The following ADCY5 variants were observed in gnomAD, a reference collection of about 807,000 sequenced individuals.
ADCY5 encodes the protein adenylate cyclase type 5.
In ADCY5, 30 loss-of-function variants were observed where a neutral mutation model predicts 119.7. That is an observed-to-expected ratio of 0.25 (90% confidence interval 0.19 to 0.34). The LOEUF is 0.34. Among genes scored for constraint, ADCY5 ranks in the 10% least tolerant of loss-of-function variants. ADCY5 has a pLI of 1.00. For synonymous variants in ADCY5, 753 were observed against 762.2 expected, an observed-to-expected ratio of 0.99 and a Z score of 0.20; for missense variants, 1,324 against 1,775.2, an observed-to-expected ratio of 0.75 and a Z score of 4.57.
At chr3:123,441,583 C>A (rs1354440128) in intron 1 of ADCY5, among the ~76,000 whole-genome samples, 1 of 152,204 alleles carries the variant, frequency 6.6e-6, no homozygotes, top group Non-Finnish European at 1.5e-5. Flanking sequence ...ATAATTTAGT[C>A]CCTCTTCTAA....
intron 1 of ADCY5, among the ~76,000 whole-genome samples, chr3:123,408,627 G>A (rs1944965990): frequency 6.7e-6 from 1 of 148,868 alleles, no homozygotes; most frequent in Non-Finnish European, 1.5e-5. Flanking sequence ...CTGCACTCCA[G>A]CCTGGGCGAC....
intron 19 of ADCY5, among the ~76,000 whole-genome samples, chr3:123,288,524 C>T (rs533073239): frequency 2.4e-4 from 37 of 152,136 alleles, no homozygotes; most frequent in Admixed American, 8.5e-4. Flanking sequence ...TCCATCAGAC[C>T]GTACACCCTC....
intron 12 of ADCY5, among the ~76,000 whole-genome samples, chr3:123,306,689 C>T (rs926272132): frequency 1.3e-5 from 2 of 152,146 alleles, no homozygotes; most frequent in African/African-American, 4.8e-5. Flanking sequence ...AGGGTAGCTC[C>T]TCAAAAAATC....
chr3:123,369,780 A>G (rs1241887257), intron 1 of ADCY5, among the ~76,000 whole-genome samples: 2 of 152,124 alleles, frequency 1.3e-5, no homozygotes, highest in Non-Finnish European at 2.9e-5. Flanking sequence ...GTTTCTTTCT[A>G]TGTAAAATGG....
At chr3:123,314,827 CTT>C (rs1170023589) in intron 11 of ADCY5, among the ~76,000 whole-genome samples, 1 of 150,810 alleles carries the variant, frequency 6.6e-6, no homozygotes, top group Admixed American at 6.6e-5. Flanking sequence ...GCCAGCCACT[CTT>C]TGAGAAACAA....
intron 8 of ADCY5, among the ~76,000 whole-genome samples, chr3:123,325,040 T>C (rs571542633): frequency 6.6e-6 from 1 of 152,320 alleles, no homozygotes; most frequent in South Asian, 2.1e-4. Context: ...CATGCCTGCT[T>C]CCAGGCTGTG....
At position 123,284,707 on chromosome 3, in the gene ADCY5, A is replaced by G. The variant is rs1050570339; in HGVS notation, c.3687T>C (p.Ala1229=). 8.7e-6 allele frequency: 14 copies of G among 1,614,118 alleles called. No individual in the cohort carries two copies. Among genetic ancestry groups the G allele is most frequent in the Non-Finnish European group, 1.2e-5 (14 of 1,180,038 alleles). The change falls in exon 21 of 21, where the codon GCT becomes GCC. Residue 1229 remains alanine, a synonymous_variant. Coordinates refer to ENST00000462833, the MANE Select transcript of ADCY5 (RefSeq NM_183357.3). The part of the protein sequence containing the change: ...QVTTDMYQVL[A]ANTYQLECRG... ...GGCACTCCAGCTGGTACGTGTTGGC[A>G]GCCAGCACCTGGTACATGTCTGTGG...
rs916573969 is a variant in ADCY5, at chr3:123,283,645, C to T, written c.*963G>A. The T allele has an allele frequency of 1.3e-5, 2 of 152,180 alleles. No homozygotes were observed. Among genetic ancestry groups the T allele is most frequent in the African/African-American group, 4.8e-5 (2 of 41,428 alleles). 9.4% of individuals were successfully genotyped at this position (152,180 alleles called of 1,614,324 possible). ...TGAGGGAAACACATCCTGTGTGAGA[C>T]CAGTTCCACAGCATGAACACACACA... On this transcript the variant is annotated 3_prime_UTR_variant, in exon 21 of 21. Transcript: ENST00000462833.
At position 123,301,686 on chromosome 3, in the gene ADCY5, C is replaced by T. The variant is rs570057732; in HGVS notation, c.2724+1369G>A. On this transcript the variant is annotated intron_variant, in intron 14 of 20. Transcript: ENST00000462833. ...AGGACCTGCCCACTGCCACCCTCTC[C>T]CCCCAGGCCTTAGCCTCACCAGGGG... 2.0e-5 allele frequency among the ~76,000 whole-genome samples: 3 copies of T among 152,320 alleles called. No individual in the cohort carries two copies. The South Asian group carries it at 6.2e-4, about 32-fold the overall frequency.
At chr3:123,290,587 A>G (rs1313715591) in intron 18 of ADCY5, among the ~76,000 whole-genome samples, 1 of 152,244 alleles carries the variant, frequency 6.6e-6, no homozygotes, top group African/African-American at 2.4e-5. Context: ...CAACCAGAGT[A>G]TGAGAAGGAA....
intron 1 of ADCY5, among the ~76,000 whole-genome samples, chr3:123,375,481 T>G (rs76279397): frequency 2.0e-5 from 3 of 152,250 alleles, no homozygotes; most frequent in African/African-American, 7.2e-5. Flanking sequence ...ACCCTGTTTT[T>G]GGGCTCAGCC....
chr3:123,393,564 TTAAAA>T lies in ADCY5; in HGVS notation c.1135-40988_1135-40984del, dbSNP rs58733977. ...AGAGTGAGACCCTGTTTCTAAAAAA[TTAAAA>T]TAAAATAAAATAAAATAAAATAAAA... On this transcript the variant is annotated intron_variant, in intron 1 of 20. Coordinates refer to ENST00000462833, the MANE Select transcript of ADCY5 (RefSeq NM_183357.3). 4.5e-3 allele frequency among the ~76,000 whole-genome samples: 646 copies of T among 143,518 alleles called. 4 individuals are homozygous for T. The highest frequency in any genetic ancestry group is 0.014 in the African/African-American group (523 of 37,132). The allele number at this position is 143,518 out of a possible 152,430, so 94.2% of individuals were successfully genotyped here.
chr3:123,408,039 CAATTATGTACAG>C (rs1305707631), intron 1 of ADCY5, among the ~76,000 whole-genome samples: 1 of 151,844 alleles, frequency 6.6e-6, no homozygotes, highest in Non-Finnish European at 1.5e-5. Flanking sequence ...GAAAACGCAT[CAATTATGTACAG>C]AATTATGTAC....
At chr3:123,415,191 G>T (rs1945156936) in intron 1 of ADCY5, among the ~76,000 whole-genome samples, 1 of 152,220 alleles carries the variant, frequency 6.6e-6, no homozygotes, top group Non-Finnish European at 1.5e-5. Flanking sequence ...AGGTTGCCAA[G>T]GGAGGGAGAG....
intron 17 of ADCY5, among the ~76,000 whole-genome samples, chr3:123,294,001 G>C (rs1163622182): frequency 6.6e-6 from 1 of 152,186 alleles, no homozygotes; most frequent in Non-Finnish European, 1.5e-5. Flanking sequence ...AGCTCAAAGA[G>C]TGATGGAGAC....
At chr3:123,289,616 C>A (rs1465079684) in intron 19 of ADCY5, 134 bp downstream of exon 19, 7 of 1,041,900 alleles carry the variant, frequency 6.7e-6, no homozygotes, top group Non-Finnish European at 1.0e-5. Flanking sequence ...GAACACACCA[C>A]ATCAGCCTCT....
intron 1 of ADCY5, among the ~76,000 whole-genome samples, chr3:123,394,193 T>A (rs1944478647): frequency 1.3e-5 from 2 of 152,366 alleles, no homozygotes; most frequent in Admixed American, 1.3e-4. Flanking sequence ...ACACATAATT[T>A]TCTCTCTTCT....
chr3:123,365,638 A>C lies in ADCY5; in HGVS notation c.1135-13057T>G, dbSNP rs143133295. 3.8e-3 allele frequency among the ~76,000 whole-genome samples: 578 copies of C among 152,322 alleles called. 5 individuals are homozygous for C. The highest frequency in any genetic ancestry group is 0.014 in the Middle Eastern group (4 of 294). The stretch of plus-strand genomic sequence containing the variant: ...GGAGTGAGTGGGTTATGAGTAATAA[A>C]GTGTCACAAAAGCTAAATGCAAGAG... On this transcript the variant is annotated intron_variant, in intron 1 of 20. Transcript: ENST00000462833.
chr3:123,401,948 G>C (rs768421724), intron 1 of ADCY5, among the ~76,000 whole-genome samples: 12 of 152,228 alleles, frequency 7.9e-5, no homozygotes, highest in Non-Finnish European at 1.0e-4. Context: ...TCATACCTCA[G>C]ATACAGCCTC....
Sources: gnomAD v4.1 joint callset for allele counts (sites outside exome capture counted in the v4.1 genomes callset) on GRCh38, gnomAD v4.1.1 for gene constraint, MANE v1.5 for transcripts, NCBI Gene and HGNC (gene_info 2026-07-23, HGNC 2026-07-21) for gene names.